Variants in PCDHA8 observed in about 807,000 individuals in gnomAD.
The protein encoded by PCDHA8 is protocadherin alpha-8.
In PCDHA8, 53 loss-of-function variants were observed where a neutral mutation model predicts 61.8. The ratio of observed to expected loss-of-function variants is 0.86; its 90% CI spans 0.69 to 1.08. The LOEUF (loss-of-function observed/expected upper bound fraction) is 1.08. Ranked by LOEUF, PCDHA8 falls within the 50% of genes least tolerant of loss-of-function variation. The probability of loss-of-function intolerance (pLI) is 0.00; values close to 1 mark genes in which losing one functional copy is unlikely to be tolerated. For missense variants in PCDHA8, 1,293 were observed against 1,245.0 expected, an observed-to-expected ratio of 1.04 and a Z score of -0.58; for synonymous variants, 618 against 556.6, an observed-to-expected ratio of 1.11 and a Z score of -1.55.
At chr5:140,970,280 C>G (rs1445871505) in intron 1 of PCDHA8, among the ~76,000 whole-genome samples, 3 of 152,138 alleles carry the variant, frequency 2.0e-5, no homozygotes, top group East Asian at 1.9e-4. Flanking sequence ...TGTAAAGTAG[C>G]CTTTTCAAGT....
chr5:140,991,308 C>T (rs374484318), intron 3 of PCDHA8, among the ~76,000 whole-genome samples: 1 of 152,282 alleles, frequency 6.6e-6, no homozygotes, highest in South Asian at 2.1e-4. Flanking sequence ...ATTATCTTGT[C>T]CCGCATGATA....
At chr5:140,856,100 C>T (rs782183125) in intron 1 of PCDHA8, 2 of 1,597,876 alleles carry the variant, frequency 1.3e-6, no homozygotes, top group Non-Finnish European at 1.7e-6. Context: ...GCTCTCGCTT[C>T]TTCTCCTCGC....
At chr5:140,909,624 G>A (rs2074611325) in intron 1 of PCDHA8, among the ~76,000 whole-genome samples, 1 of 152,092 alleles carries the variant, frequency 6.6e-6, no homozygotes, top group African/African-American at 2.4e-5. Context: ...GCTCTAATTG[G>A]TCTTCCTATT....
chr5:140,884,247 CG>C (rs1220799816), intron 1 of PCDHA8: 1 of 1,613,280 alleles, frequency 6.2e-7, no homozygotes, highest in Non-Finnish European at 8.5e-7. Flanking sequence ...CCCGCGCTGA[CG>C]GCCACGGCAA....
intron 1 of PCDHA8, among the ~76,000 whole-genome samples, chr5:140,886,252 C>G (rs1368508838): frequency 6.6e-6 from 1 of 151,858 alleles, no homozygotes; most frequent in Non-Finnish European, 1.5e-5. Flanking sequence ...ATAAAAGTAT[C>G]TCTATTTATA....
At chr5:140,920,932 G>A (rs2079937589) in intron 1 of PCDHA8, among the ~76,000 whole-genome samples, 1 of 151,286 alleles carries the variant, frequency 6.6e-6, no homozygotes, top group Admixed American at 6.6e-5. Flanking sequence ...AGGTGATCTA[G>A]CCCTTTCATT....
chr5:140,869,221 A>G, intron 1 of PCDHA8: 1 of 1,613,848 alleles, frequency 6.2e-7, no homozygotes, highest in South Asian at 1.1e-5. Flanking sequence ...GGAGGAGGCC[A>G]AACACGGCAC....
chr5:140,898,764 T>A (rs2066960471), intron 1 of PCDHA8, among the ~76,000 whole-genome samples: 1 of 152,192 alleles, frequency 6.6e-6, no homozygotes, highest in Non-Finnish European at 1.5e-5. Context: ...GCATTGAATC[T>A]GTAAATTACC....
At chr5:140,944,166 G>A (rs1483002893) in intron 1 of PCDHA8, among the ~76,000 whole-genome samples, 1 of 152,024 alleles carries the variant, frequency 6.6e-6, no homozygotes, top group Non-Finnish European at 1.5e-5. Context: ...AAAGGGCCAA[G>A]GCTGGTTTTT....
At chr5:140,844,914 A>G (rs1779618781) in intron 1 of PCDHA8, among the ~76,000 whole-genome samples, 1 of 149,422 alleles carries the variant, frequency 6.7e-6, no homozygotes, top group African/African-American at 2.5e-5. Context: ...AATGGTAGAA[A>G]TTGATGGAAG....
chr5:140,877,888 C>T (rs1554170207), intron 1 of PCDHA8: 3 of 1,458,570 alleles, frequency 2.1e-6, no homozygotes, highest in South Asian at 1.5e-5. Flanking sequence ...GAAGAACTTC[C>T]GTTTAGGTTA....
chr5:140,859,951 A>G (rs1376166288), intron 1 of PCDHA8: 3 of 151,970 alleles, frequency 2.0e-5, no homozygotes, highest in African/African-American at 7.3e-5. Context: ...ACTCATATCA[A>G]TTGTAAAAGT....
chr5:140,887,321 C>A (rs1277860165), intron 1 of PCDHA8, among the ~76,000 whole-genome samples: 4 of 152,150 alleles, frequency 2.6e-5, no homozygotes, highest in Non-Finnish European at 5.9e-5. Flanking sequence ...TAGTCTCGAA[C>A]TCCTGACCTC....
At chr5:140,876,815 T>A in intron 1 of PCDHA8, 2 of 1,614,148 alleles carry the variant, frequency 1.2e-6, no homozygotes, top group Non-Finnish European at 1.7e-6. Flanking sequence ...GTGGCCGACG[T>A]GAACGACAAT....
At chr5:140,964,844 A>G (rs2095857701) in intron 1 of PCDHA8, among the ~76,000 whole-genome samples, 1 of 152,160 alleles carries the variant, frequency 6.6e-6, no homozygotes, top group Admixed American at 6.5e-5. Flanking sequence ...CCTACTCTGT[A>G]CCCTTGAGGA....
chr5:140,926,680 A>C (rs2153583997), intron 1 of PCDHA8: 1 of 637,102 alleles, frequency 1.6e-6, no homozygotes, highest in Non-Finnish European at 2.4e-6. Flanking sequence ...CCCAGCCTCC[A>C]GCCTAGCAAG....
intron 1 of PCDHA8, chr5:140,866,113 T>C (rs1185424072): frequency 6.6e-6 from 1 of 152,196 alleles, no homozygotes; most frequent in African/African-American, 2.4e-5. Flanking sequence ...AAGAGTTGCC[T>C]TATAAGAACT....
chr5:140,887,711 T>C (rs1486449046), intron 1 of PCDHA8, among the ~76,000 whole-genome samples: 1 of 152,198 alleles, frequency 6.6e-6, no homozygotes, highest in African/African-American at 2.4e-5. Context: ...ATACTTCTTC[T>C]AATAGTTTTT....
intron 1 of PCDHA8, chr5:140,858,580 A>G (rs1374882572): frequency 8.9e-6 from 12 of 1,352,620 alleles, no homozygotes; most frequent in Middle Eastern, 2.1e-4. Context: ...CCTTTGTAAT[A>G]TAATTTATTC....
Sources: allele counts gnomAD v4.1 joint callset (sites outside exome capture counted in the v4.1 genomes callset), GRCh38; gene constraint gnomAD v4.1.1; transcripts MANE v1.5; gene names NCBI Gene and HGNC (gene_info 2026-07-23, HGNC 2026-07-21).